The following HS3ST5 variants were observed in gnomAD, a reference collection of about 807,000 sequenced individuals.
HS3ST5 encodes the protein heparan sulfate glucosamine 3-O-sulfotransferase 5.
HS3ST5 carries 10 observed loss-of-function variants against 25.4 expected under a neutral mutation model. The ratio of observed to expected loss-of-function variants is 0.39; its 90% confidence interval spans 0.24 to 0.67. HS3ST5 has a LOEUF of 0.67. Among genes scored for constraint, HS3ST5 ranks in the 30% least tolerant of loss-of-function variants. HS3ST5 has a pLI of 0.44. For missense variants in HS3ST5, 324 were observed against 420.7 expected, an observed-to-expected ratio of 0.77 and a Z score of 2.01; for synonymous variants, 170 against 162.4, an observed-to-expected ratio of 1.05 and a Z score of -0.36.
At chr6:114,156,626 C>A (rs777709489) in intron 3 of HS3ST5, among the ~76,000 whole-genome samples, 6 of 152,176 alleles carry the variant, frequency 3.9e-5, no homozygotes, top group Admixed American at 6.5e-5. Context: ...GCAGAGTTGC[C>A]ACAGATCTCC....
chr6:114,062,012 C>T (rs574634587), intron 4 of HS3ST5, among the ~76,000 whole-genome samples: 40 of 152,278 alleles, frequency 2.6e-4, no homozygotes, highest in African/African-American at 8.7e-4. Context: ...ACTTCTCTGT[C>T]TTTGCCCATT....
At chr6:114,166,822 G>A (rs1211521075) in intron 3 of HS3ST5, among the ~76,000 whole-genome samples, 1 of 152,042 alleles carries the variant, frequency 6.6e-6, no homozygotes, top group Non-Finnish European at 1.5e-5. Flanking sequence ...TTTAGCCTCT[G>A]AGTCAGACTG....
In HS3ST5 at chr6:114,338,191, A is replaced by G. The variant is rs1025483383; in HGVS notation, c.-339+4004T>C. Among the ~76,000 whole-genome samples the G allele has an allele frequency of 1.1e-3, 166 of 152,152 alleles. 2 individuals carry two copies. Among genetic ancestry groups the G allele is most frequent in the Admixed American group, 0.011 (165 of 15,284 alleles). On this transcript the variant is annotated intron_variant, in intron 1 of 4. Coordinates refer to ENST00000312719, the MANE Select transcript of HS3ST5 (RefSeq NM_153612.4). ...GTGATGCTGACTTCACAAACCATGTATGGCACAAAGGGATTCTATTCCTGT... is the reference window on the plus strand; with the variant it reads ...GTGATGCTGACTTCACAAACCATGTGTGGCACAAAGGGATTCTATTCCTGT...
chr6:114,149,606 G>A (rs1778353473), intron 3 of HS3ST5, among the ~76,000 whole-genome samples: 1 of 152,052 alleles, frequency 6.6e-6, no homozygotes, highest in Admixed American at 6.6e-5. Flanking sequence ...GGGAGGGAGA[G>A]CATTAGGACA....
intron 1 of HS3ST5, among the ~76,000 whole-genome samples, chr6:114,340,286 C>T (rs1776772940): frequency 6.6e-6 from 1 of 152,166 alleles, no homozygotes; most frequent in Non-Finnish European, 1.5e-5. Context: ...ATATTGTGCT[C>T]ATAATTTCCC....
chr6:114,127,180 A>G (rs1219027421), intron 3 of HS3ST5, among the ~76,000 whole-genome samples: 2 of 152,174 alleles, frequency 1.3e-5, no homozygotes, highest in Admixed American at 1.3e-4. Context: ...TGAGGTCAGG[A>G]GTTCGAGACT....
intron 2 of HS3ST5, among the ~76,000 whole-genome samples, chr6:114,212,457 T>C (rs7762261): frequency 0.014 from 2,085 of 152,276 alleles, 58 homozygotes; most frequent in African/African-American, 0.048. Flanking sequence ...ATGCCAACAT[T>C]CATATTCTAT....
chr6:114,320,700 AC>A (rs1359557513), intron 1 of HS3ST5, among the ~76,000 whole-genome samples: 1 of 151,970 alleles, frequency 6.6e-6, no homozygotes, highest in African/African-American at 2.4e-5. Context: ...CCCTTACATC[AC>A]CTTAACCAAA....
At chr6:114,058,836 A>G (rs76502071) in intron 4 of HS3ST5, 1 of 152,364 alleles carries the variant, frequency 6.6e-6, no homozygotes, top group African/African-American at 2.4e-5. Flanking sequence ...TTCTCTTTCT[A>G]TCTAAAGAGG....
At chr6:114,126,820 A>T (rs974186501) in intron 3 of HS3ST5, among the ~76,000 whole-genome samples, 5 of 152,078 alleles carry the variant, frequency 3.3e-5, no homozygotes, top group African/African-American at 9.7e-5. Context: ...AATTTCTGTC[A>T]TGGGAGCCAT....
Position 114,228,729 on chromosome 6 carries a change from G to A in HS3ST5, c.-289C>T, listed in dbSNP as rs1213417242. On this transcript the variant is annotated 5_prime_UTR_variant, in exon 2 of 5. It adds an upstream start codon to the 5' untranslated region. Transcript: ENST00000312719. The stretch of plus-strand genomic sequence containing the variant: ...TCCTGGGGTGGCCACCAGAAATGCC[G>A]TTGAGAATAGAAGACACCAATGCTG... 7 of 152,272 alleles carry A rather than the reference G, an allele frequency of 4.6e-5. No homozygotes were observed. Among genetic ancestry groups the A allele is most frequent in the African/African-American group, 4.8e-5 (2 of 41,554 alleles). The allele number at this position is 152,272 out of a possible 1,614,324, so 9.4% of individuals were successfully genotyped here. A position where few individuals can be genotyped will look rare whatever the true frequency, so the allele number is the denominator to read the frequency against.
chr6:114,281,693 C>T (rs893922440), intron 1 of HS3ST5: 15 of 151,928 alleles, frequency 9.9e-5, no homozygotes, highest in Non-Finnish European at 2.9e-5. Context: ...CTTCCTTAGT[C>T]CAGGCATGGT....
intron 3 of HS3ST5, among the ~76,000 whole-genome samples, chr6:114,109,179 TA>T (rs1776136859): frequency 6.6e-6 from 1 of 151,984 alleles, no homozygotes; most frequent in South Asian, 2.1e-4. Context: ...AAAAAAAATG[TA>T]TCTGAAAGTC....
intron 1 of HS3ST5, among the ~76,000 whole-genome samples, chr6:114,248,867 G>A (rs998440540): frequency 2.0e-5 from 3 of 152,208 alleles, no homozygotes; most frequent in African/African-American, 7.2e-5. Flanking sequence ...ACACAGCAGT[G>A]AGCAAAAGCA....
chr6:114,256,657 T>C (rs1772938876), intron 1 of HS3ST5, among the ~76,000 whole-genome samples: 1 of 152,204 alleles, frequency 6.6e-6, no homozygotes, highest in Non-Finnish European at 1.5e-5. Context: ...ATTGTCCATA[T>C]CATTATCAGT....
intron 1 of HS3ST5, among the ~76,000 whole-genome samples, chr6:114,328,103 A>G (rs1776243449): frequency 6.6e-6 from 1 of 152,166 alleles, no homozygotes; most frequent in Admixed American, 6.6e-5. Flanking sequence ...ATCAATTGTA[A>G]AATTTAGAGT....
intron 4 of HS3ST5, among the ~76,000 whole-genome samples, chr6:114,060,791 G>A (rs1773067944): frequency 6.6e-6 from 1 of 152,190 alleles, no homozygotes; most frequent in Non-Finnish European, 1.5e-5. Context: ...TACCCTGGGA[G>A]ATCACATCCT....
At chr6:114,095,243 C>T (rs759868556) in intron 3 of HS3ST5, among the ~76,000 whole-genome samples, 13 of 152,226 alleles carry the variant, frequency 8.5e-5, no homozygotes, top group Non-Finnish European at 1.8e-4. Flanking sequence ...CTTCCATCTT[C>T]CCAGTTGCAA....
chr6:114,274,704 T>C (rs1773774572), intron 1 of HS3ST5, among the ~76,000 whole-genome samples: 1 of 152,008 alleles, frequency 6.6e-6, no homozygotes, highest in African/African-American at 2.4e-5. Flanking sequence ...GATATTCAGG[T>C]ATTGGACATG....
Sources: gnomAD v4.1 joint callset for allele counts (sites outside exome capture counted in the v4.1 genomes callset) on GRCh38, gnomAD v4.1.1 for gene constraint, MANE v1.5 for transcripts, NCBI Gene and HGNC (gene_info 2026-07-23, HGNC 2026-07-21) for gene names.